CWC22: variants seen among roughly 807,000 people sequenced by gnomAD.
CWC22 encodes pre-mRNA-splicing factor CWC22 homolog.
In CWC22, 53 loss-of-function variants were observed where a neutral mutation model predicts 117.2. That is an observed-to-expected ratio of 0.45 (90% confidence interval 0.36 to 0.57). The LOEUF is 0.57. CWC22 is among the 20% of genes least tolerant of loss of function. The probability of loss-of-function intolerance (pLI) is 0.00; values close to 1 mark genes in which losing one functional copy is unlikely to be tolerated. For synonymous variants in CWC22, 360 were observed against 355.6 expected, an observed-to-expected ratio of 1.01 and a Z score of -0.14; for missense variants, 980 against 1,068.8, an observed-to-expected ratio of 0.92 and a Z score of 1.16.
At chr2:179,960,953 T>C (rs1686733811) in intron 13 of CWC22, among the ~76,000 whole-genome samples, 2 of 151,954 alleles carry the variant, frequency 1.3e-5, no homozygotes, top group East Asian at 1.9e-4. Context: ...TTACTAGACA[T>C]TGCCGATTTC....
intron 11 of CWC22, among the ~76,000 whole-genome samples, chr2:179,968,436 AAC>A (rs1257043271): frequency 6.6e-6 from 1 of 152,146 alleles, no homozygotes; most frequent in African/African-American, 2.4e-5. Context: ...TGAATGTAGA[AAC>A]AGATATGAGA....
intron 13 of CWC22, among the ~76,000 whole-genome samples, chr2:179,963,170 G>C (rs894203692): frequency 6.6e-5 from 10 of 151,886 alleles, no homozygotes; most frequent in African/African-American, 2.4e-4. Context: ...ACTCTTCAAA[G>C]TTAATGTAAC....
intron 16 of CWC22, among the ~76,000 whole-genome samples, chr2:179,953,968 C>T (rs1451805767): frequency 6.6e-6 from 1 of 152,130 alleles, no homozygotes; most frequent in Admixed American, 6.6e-5. Context: ...CTAGCCATCA[C>T]TATCGAAACA....
chr2:179,995,101 G>A lies in CWC22; in HGVS notation c.-113-1647C>T, dbSNP rs776154616. Among the ~76,000 whole-genome samples, 20 of 152,220 alleles carry A rather than the reference G, an allele frequency of 1.3e-4. No individual in the cohort carries two copies. The South Asian group carries it at 1.9e-3, about 14-fold the overall frequency. On this transcript the variant is annotated intron_variant, in intron 1 of 19. Coordinates refer to ENST00000410053, the MANE Select transcript of CWC22 (RefSeq NM_020943.3). Reference sequence around the variant, plus strand: ...CCACTGCACTCCAGCCTGGGCAACAGAGTGAGACTTCGTCTCAAACAAACA... The same window carrying A: ...CCACTGCACTCCAGCCTGGGCAACAAAGTGAGACTTCGTCTCAAACAAACA...
In CWC22 at chr2:179,948,278, T is replaced by C. The variant is rs573918215; in HGVS notation, c.2140+2234A>G. ...TAAGATAAATAACCGTGAGTCTATA[T>C]TGATATTTACAGTTGACTAAATAAA... is the stretch of plus-strand genomic sequence containing the variant. On this transcript the variant is annotated intron_variant, in intron 19 of 19. Transcript: ENST00000410053. 4.0e-5 allele frequency among the ~76,000 whole-genome samples: 6 copies of C among 150,740 alleles called. No individual in the cohort carries two copies. The East Asian group carries it at 1.2e-3, about 30-fold the overall frequency.
intron 8 of CWC22, among the ~76,000 whole-genome samples, chr2:179,971,350 TA>T (rs1302697258): frequency 5.7e-4 from 87 of 152,136 alleles, no homozygotes; most frequent in Non-Finnish European, 3.1e-4. Context: ...TCAGAAGAAA[TA>T]TTCTTAGCCA....
intron 14 of CWC22, 78 bp downstream of exon 14, chr2:179,958,944 C>T: frequency 1.2e-6 from 1 of 802,812 alleles, no homozygotes; most frequent in Non-Finnish European, 2.1e-6. Context: ...CTTCAATCCA[C>T]AAAACTTACC....
chr2:179,983,303 T>G (rs777652908), intron 4 of CWC22, among the ~76,000 whole-genome samples: 11 of 152,050 alleles, frequency 7.2e-5, no homozygotes, highest in Non-Finnish European at 1.5e-4. Context: ...TGTGTGTTGT[T>G]CTCCATGTGT....
intron 6 of CWC22, among the ~76,000 whole-genome samples, chr2:179,974,671 C>T (rs1274634875): frequency 6.6e-6 from 1 of 152,174 alleles, no homozygotes; most frequent in Non-Finnish European, 1.5e-5. Context: ...GATCTCTGCC[C>T]ACTTTTGAGG....
intron 4 of CWC22, among the ~76,000 whole-genome samples, chr2:179,983,706 GACAA>G (rs1687342885): frequency 6.6e-6 from 1 of 152,082 alleles, no homozygotes; most frequent in African/African-American, 2.4e-5. Flanking sequence ...AGGGAGGATA[GACAA>G]TCTGTATACA....
chr2:179,980,187 A>G (rs1687251957), intron 5 of CWC22, among the ~76,000 whole-genome samples: 1 of 152,144 alleles, frequency 6.6e-6, no homozygotes, highest in Non-Finnish European at 1.5e-5. Flanking sequence ...TGCCTTGTGC[A>G]TGAGCAAAAC....
intron 5 of CWC22, among the ~76,000 whole-genome samples, chr2:179,981,290 C>G (rs1484529060): frequency 6.6e-6 from 1 of 152,072 alleles, no homozygotes; most frequent in East Asian, 1.9e-4. Flanking sequence ...AGTTAAGTAG[C>G]AACAACAGAG....
chr2:179,981,698 C>T, intron 5 of CWC22, 54 bp downstream of exon 5: 2 of 1,493,112 alleles, frequency 1.3e-6, no homozygotes, highest in East Asian at 2.3e-5. Context: ...CCACAGTTGA[C>T]TTATTTTTCA....
chr2:179,964,066 T>C (rs1328419991), intron 13 of CWC22, among the ~76,000 whole-genome samples: 1 of 152,224 alleles, frequency 6.6e-6, no homozygotes, highest in Non-Finnish European at 1.5e-5. Context: ...CAAAGAGTCC[T>C]CAAAATCTTC....
chr2:179,975,065 T>A (rs186209016), intron 6 of CWC22, among the ~76,000 whole-genome samples: 2 of 152,280 alleles, frequency 1.3e-5, no homozygotes, highest in East Asian at 1.9e-4. Flanking sequence ...CCATATTTTT[T>A]TAAAGATGAA....
chr2:179,972,708 T>C (rs1687061722), intron 8 of CWC22, among the ~76,000 whole-genome samples: 1 of 152,108 alleles, frequency 6.6e-6, no homozygotes, highest in Non-Finnish European at 1.5e-5. Context: ...AAGTGTTATA[T>C]TAAAGAATAT....
chr2:179,951,790 G>A (rs764285208), intron 17 of CWC22, among the ~76,000 whole-genome samples: 7 of 152,098 alleles, frequency 4.6e-5, no homozygotes, highest in Non-Finnish European at 1.0e-4. Flanking sequence ...TGGAACCCAG[G>A]AACACTGAAG....
intron 8 of CWC22, among the ~76,000 whole-genome samples, chr2:179,972,160 AG>A (rs1478220981): frequency 6.6e-6 from 1 of 152,196 alleles, no homozygotes; most frequent in Non-Finnish European, 1.5e-5. Context: ...AAGATTTGTA[AG>A]AGTGAAAGAA....
intron 17 of CWC22, among the ~76,000 whole-genome samples, chr2:179,951,172 T>TAC (rs959249520): frequency 4.6e-5 from 7 of 152,022 alleles, no homozygotes; most frequent in African/African-American, 1.7e-4. Context: ...AAACTTTTTT[T>TAC]ACACACACAC....
Sources: gnomAD v4.1 joint callset for allele counts (sites outside exome capture counted in the v4.1 genomes callset) on GRCh38, gnomAD v4.1.1 for gene constraint, MANE v1.5 for transcripts, NCBI Gene and HGNC (gene_info 2026-07-23, HGNC 2026-07-21) for gene names.